PNKD: variants seen among roughly 807,000 people sequenced by gnomAD.
PNKD encodes the protein PNKD metallo-beta-lactamase domain containing.
Under a neutral mutation model 45.3 loss-of-function variants are expected in PNKD, and 36 were observed. The observed-to-expected ratio is 0.80, with a 90% confidence interval of 0.61 to 1.05. The LOEUF is 1.05. PNKD is among the 50% of genes least tolerant of loss of function. The probability of loss-of-function intolerance (pLI) is 0.00; values close to 1 mark genes in which losing one functional copy is unlikely to be tolerated. For synonymous variants in PNKD, 197 were observed against 210.1 expected (o/e 0.94, Z 0.54); for missense variants, 511 against 506.6 (o/e 1.01, Z -0.08).
intron 2 of PNKD, among the ~76,000 whole-genome samples, chr2:218,315,038 T>C (rs1449130901): frequency 4.0e-5 from 2 of 49,470 alleles, no homozygotes; most frequent in Non-Finnish European, 1.1e-4. Flanking sequence ...CTTTCTTTCT[T>C]TTTCTTTCTT....
At chr2:218,273,949 A>G (rs1690976743) in intron 2 of PNKD, among the ~76,000 whole-genome samples, 1 of 152,212 alleles carries the variant, frequency 6.6e-6, no homozygotes, top group Non-Finnish European at 1.5e-5. Context: ...TCCATGGTGC[A>G]GAAAAGGTCA....
chr2:218,337,484 T>TA (rs1694532306), intron 2 of PNKD, among the ~76,000 whole-genome samples: 1 of 152,238 alleles, frequency 6.6e-6, no homozygotes, highest in African/African-American at 2.4e-5. Context: ...TTCCTTTCTA[T>TA]ATCGCTATTT....
rs142466579 is a variant in PNKD, at chr2:218,303,110, G to A, written c.236+31561G>A. Among the ~76,000 whole-genome samples, 591 of 151,236 alleles carry A rather than the reference G, an allele frequency of 3.9e-3. 5 individuals carry two copies. Among genetic ancestry groups the A allele is most frequent in the African/African-American group, 0.011 (471 of 41,204 alleles). On this transcript the variant is annotated intron_variant, in intron 2 of 9. Transcript: ENST00000273077. ...GCCCACCACCATGCCCAGCTAATTT[G>A]TTTGTATTTTTAGTAGAGACAGGTT...
At chr2:218,320,300 A>T (rs1018568538) in intron 2 of PNKD, among the ~76,000 whole-genome samples, 1 of 152,246 alleles carries the variant, frequency 6.6e-6, no homozygotes, top group African/African-American at 2.4e-5. Flanking sequence ...AGTTTGATAC[A>T]TGTATACAAG....
intron 2 of PNKD, among the ~76,000 whole-genome samples, chr2:218,336,788 C>CT (rs71064439): frequency 8.9e-4 from 26 of 29,134 alleles, no homozygotes; most frequent in East Asian, 2.4e-3. Flanking sequence ...GCCTTCAATT[C>CT]TTTTTTTTTT....
intron 2 of PNKD, among the ~76,000 whole-genome samples, chr2:218,307,382 T>C (rs1324967862): frequency 6.6e-6 from 1 of 152,154 alleles, no homozygotes; most frequent in African/African-American, 2.4e-5. Flanking sequence ...CCTGAGCTTG[T>C]TTTCCAGCAG....
intron 2 of PNKD, among the ~76,000 whole-genome samples, chr2:218,314,638 A>G (rs1220863566): frequency 6.6e-6 from 1 of 151,230 alleles, no homozygotes; most frequent in East Asian, 1.9e-4. Flanking sequence ...ACATTTATTT[A>G]AGGTCTGTAA....
intron 2 of PNKD, among the ~76,000 whole-genome samples, chr2:218,297,952 C>T (rs2106249760): frequency 6.7e-6 from 1 of 148,904 alleles, no homozygotes; most frequent in Admixed American, 6.7e-5. Flanking sequence ...GAGCCGAGAT[C>T]ACGCCACTGC....
rs1694639808 is a variant in PNKD at position 218,340,463 on chromosome 2, C to G, written c.466-265C>G. On this transcript the variant is annotated intron_variant, in intron 4 of 9. Coordinates refer to ENST00000273077, the MANE Select transcript of PNKD (RefSeq NM_015488.5). The surrounding 1 kb of genome is among the most constrained non-coding windows in gnomAD (Gnocchi z 4.2). ...CCCCCTTTCTTTCTGTCACCTCTGT[C>G]TGTCAGTATCTGGGTCTCTCTGTCT... is the stretch of plus-strand genomic sequence containing the variant. Among the ~76,000 whole-genome samples, 1 of 152,030 alleles carries G rather than the reference C, an allele frequency of 6.6e-6. No individual in the cohort carries two copies. The highest frequency in any genetic ancestry group is 2.4e-5 in the African/African-American group (1 of 41,390).
intron 2 of PNKD, among the ~76,000 whole-genome samples, chr2:218,295,684 T>C (rs1304097452): frequency 1.3e-5 from 2 of 151,700 alleles, no homozygotes; most frequent in East Asian, 1.9e-4. Context: ...GGGCCAGAAA[T>C]TGAGATTTTA....
In PNKD at chr2:218,340,623, C is replaced by T. The variant is rs2106293807; in HGVS notation, c.466-105C>T. The T allele has an allele frequency of 3.6e-6, 3 of 836,680 alleles. No homozygotes were observed. The highest frequency in any genetic ancestry group is 6.3e-6 in the Non-Finnish European group (3 of 476,104). The allele number at this position is 836,680 out of a possible 1,614,324, so 51.8% of individuals were successfully genotyped here. Reference sequence around the variant, plus strand: ...ATCCCTTTCCTCTGCTTCATCTCTCCATGCTCTCCTCTCCTCTCCACCAGC... The same window carrying T: ...ATCCCTTTCCTCTGCTTCATCTCTCTATGCTCTCCTCTCCTCTCCACCAGC... On this transcript the variant is annotated intron_variant, in intron 4 of 9. Coordinates refer to ENST00000273077, the MANE Select transcript of PNKD (RefSeq NM_015488.5). The surrounding 1 kb of genome is among the most constrained non-coding windows in gnomAD (Gnocchi z 4.2).
At chr2:218,314,949 C>T (rs565023590) in intron 2 of PNKD, among the ~76,000 whole-genome samples, 4 of 152,270 alleles carry the variant, frequency 2.6e-5, no homozygotes, top group African/African-American at 7.2e-5. Flanking sequence ...TTCAGTCTCC[C>T]GAAGTGCTGG....
intron 2 of PNKD, chr2:218,334,738 G>T (rs762459309): frequency 1.4e-6 from 1 of 702,910 alleles, no homozygotes; most frequent in Non-Finnish European, 2.6e-6. Flanking sequence ...AGAGGCAAAT[G>T]ATGTCTATAT....
intron 8 of PNKD, among the ~76,000 whole-genome samples, chr2:218,343,883 G>A (rs980912400): frequency 2.0e-5 from 3 of 152,242 alleles, no homozygotes; most frequent in African/African-American, 4.8e-5. Flanking sequence ...CATAGCCTTA[G>A]CCCAGAACAG....
At chr2:218,322,309 G>A (rs1694009152) in intron 2 of PNKD, among the ~76,000 whole-genome samples, 1 of 152,162 alleles carries the variant, frequency 6.6e-6, no homozygotes, top group Non-Finnish European at 1.5e-5. Context: ...CCTGGCTCCT[G>A]TGCCTAAATT....
intron 2 of PNKD, among the ~76,000 whole-genome samples, chr2:218,287,545 T>TAA (rs1692620426): frequency 6.6e-6 from 1 of 151,894 alleles, no homozygotes; most frequent in Non-Finnish European, 1.5e-5. Flanking sequence ...CCATGTCTAC[T>TAA]AAAAAATACA....
chr2:218,279,496 G>C, intron 2 of PNKD: 1 of 633,120 alleles, frequency 1.6e-6, no homozygotes, highest in Non-Finnish European at 2.6e-6. Flanking sequence ...TGAGATGCCT[G>C]GCTCAGAGGC....
chr2:218,312,831 C>G (rs951729568), intron 2 of PNKD, among the ~76,000 whole-genome samples: 3 of 151,952 alleles, frequency 2.0e-5, no homozygotes, highest in African/African-American at 4.8e-5. Context: ...CTAGAACTTA[C>G]CACTGCACTC....
chr2:218,278,507 G>A, intron 2 of PNKD: 1 of 1,614,004 alleles, frequency 6.2e-7, no homozygotes. Context: ...TAAGTCTCTG[G>A]GACTCACCTG....
Sources: gnomAD v4.1 joint callset for allele counts (sites outside exome capture counted in the v4.1 genomes callset) on GRCh38, gnomAD v4.1.1 for gene constraint, Gnocchi (gnomAD v3.1) non-coding constraint, MANE v1.5 for transcripts, NCBI Gene and HGNC (gene_info 2026-07-23, HGNC 2026-07-21) for gene names.